The following NPSR1 variants were observed in gnomAD, a reference collection of about 807,000 sequenced individuals.
NPSR1 encodes neuropeptide S receptor 1, also known as neuropeptide S receptor.
In NPSR1, 48 loss-of-function variants were observed where a neutral mutation model predicts 46.9. The observed-to-expected ratio is 1.02, with a 90% CI of 0.81 to 1.30. The LOEUF (loss-of-function observed/expected upper bound fraction) is 1.30, where lower values mean the gene tolerates loss of function less well. Among genes scored for constraint, NPSR1 ranks in the 50% most tolerant of loss-of-function variants. The probability of loss-of-function intolerance (pLI) is 0.00; values close to 1 mark genes in which losing one functional copy is unlikely to be tolerated. For missense variants in NPSR1, 450 were observed against 449.5 expected, an observed-to-expected ratio of 1.00 and a Z score of -0.01; for synonymous variants, 176 against 168.1, an observed-to-expected ratio of 1.05 and a Z score of -0.36.
chr7:34,708,429 C>A (rs1794216320), intron 2 of NPSR1, among the ~76,000 whole-genome samples: 1 of 152,068 alleles, frequency 6.6e-6, no homozygotes, highest in South Asian at 2.1e-4. Flanking sequence ...TCAGACTTCC[C>A]CAAAACACAT....
intron 2 of NPSR1, among the ~76,000 whole-genome samples, chr7:34,755,089 C>T (rs953412084): frequency 6.6e-6 from 1 of 152,218 alleles, no homozygotes; most frequent in Non-Finnish European, 1.5e-5. Context: ...CTGCTATAAA[C>T]ATTCATGTAC....
chr7:34,864,814 C>T (rs919832815), intron 8 of NPSR1, among the ~76,000 whole-genome samples: 1 of 151,898 alleles, frequency 6.6e-6, no homozygotes, highest in Admixed American at 6.5e-5. Flanking sequence ...GCAAGAAAGC[C>T]TGCTAACAAT....
In NPSR1 at chr7:34,848,586, G is replaced by C. The variant is rs1206648220; in HGVS notation, c.948G>C (p.Gln316His). Residue 316 changes from glutamine to histidine, a missense_variant, in exon 8 of 9, where the codon CAG becomes CAC. By Grantham distance (24) the Gln-to-His change is conservative. Transcript: ENST00000360581. ...GTTTCTATGCCTCTGTGATCATTCAGAACCTGCCAGCATTGAATAGTGCCA... is the reference window on the plus strand; with the variant it reads ...GTTTCTATGCCTCTGTGATCATTCACAACCTGCCAGCATTGAATAGTGCCA... The part of the protein sequence containing the change: ...QERFYASVII[Q>H]NLPALNSAIN... 1 of 1,614,138 alleles carries C rather than the reference G, an allele frequency of 6.2e-7. No homozygotes were observed. The highest frequency in any genetic ancestry group is 1.1e-5 in the South Asian group (1 of 91,078).
intron 2 of NPSR1, among the ~76,000 whole-genome samples, chr7:34,755,771 A>G (rs982830946): frequency 2.6e-5 from 4 of 151,966 alleles, no homozygotes; most frequent in African/African-American, 4.8e-5. Context: ...CTCCTTCCCT[A>G]CTGACAAGCA....
chr7:34,713,138 C>T (rs1783386136), intron 2 of NPSR1, among the ~76,000 whole-genome samples: 1 of 152,190 alleles, frequency 6.6e-6, no homozygotes, highest in South Asian at 2.1e-4. Flanking sequence ...GGCTACTGTT[C>T]TGATCAGGAG....
chr7:34,684,709 C>T, intron 2 of NPSR1, 25 bp downstream of exon 2: 3 of 1,578,234 alleles, frequency 1.9e-6, no homozygotes, highest in South Asian at 1.2e-5. Context: ...AAGTGAGAGG[C>T]AGGAAGCTAT....
intron 2 of NPSR1, among the ~76,000 whole-genome samples, chr7:34,691,721 G>A (rs1205169460): frequency 6.6e-6 from 1 of 151,946 alleles, no homozygotes; most frequent in East Asian, 1.9e-4. Context: ...CAAAAATTAC[G>A]ACTACATATA....
chr7:34,833,020 T>C (rs1790191077), intron 5 of NPSR1, among the ~76,000 whole-genome samples: 1 of 152,186 alleles, frequency 6.6e-6, no homozygotes, highest in South Asian at 2.1e-4. Flanking sequence ...AAAAAGTCCC[T>C]GAGCTTTCCT....
At chr7:34,671,893 G>T (rs1284118395) in intron 1 of NPSR1, among the ~76,000 whole-genome samples, 1 of 135,348 alleles carries the variant, frequency 7.4e-6, no homozygotes, top group East Asian at 2.0e-4. Flanking sequence ...AAGCCAAAGT[G>T]GGCCCTCCAG....
chr7:34,762,723 T>A (rs1230432306), intron 2 of NPSR1, among the ~76,000 whole-genome samples: 1 of 152,222 alleles, frequency 6.6e-6, no homozygotes, highest in East Asian at 1.9e-4. Context: ...TTACCCACAG[T>A]GTCCCTTCAG....
Position 34,750,540 on chromosome 7 carries a change from T to TAATCTCAAGCTCCTC in NPSR1, c.281-27917_281-27903dup, listed in dbSNP as rs1785466804. 7.2e-6 allele frequency: 5 copies of TAATCTCAAGCTCCTC among 698,232 alleles called. No homozygotes were observed. The South Asian group carries it at 7.4e-5, about 10-fold the overall frequency. The allele number at this position is 698,232 out of a possible 1,614,324, so 43.3% of individuals were successfully genotyped here. On this transcript the variant is annotated intron_variant, in intron 2 of 8. Coordinates refer to ENST00000360581, the MANE Select transcript of NPSR1 (RefSeq NM_207172.2). ...GGGGCTCTCTGGCTACCTGCTTGGTTAATCTCAAGCTCCTCAATCCCATCC... is the reference window on the plus strand; with the variant it reads ...GGGGCTCTCTGGCTACCTGCTTGGTTAATCTCAAGCTCCTCAATCTCAAGCTCCTCAATCCCATCC...
intron 2 of NPSR1, among the ~76,000 whole-genome samples, chr7:34,743,651 G>T (rs1406333645): frequency 6.6e-6 from 1 of 152,036 alleles, no homozygotes; most frequent in African/African-American, 2.4e-5. Flanking sequence ...TCTTGGCCAG[G>T]CTGGTCTTGA....
chr7:34,824,096 A>G (rs948890894), intron 4 of NPSR1, among the ~76,000 whole-genome samples: 4 of 152,256 alleles, frequency 2.6e-5, no homozygotes, highest in African/African-American at 9.6e-5. Flanking sequence ...TAGGATCTGT[A>G]TCATGATCTC....
intron 8 of NPSR1, among the ~76,000 whole-genome samples, chr7:34,862,296 A>G (rs1791208372): frequency 6.6e-6 from 1 of 151,766 alleles, no homozygotes; most frequent in East Asian, 1.9e-4. Context: ...CTCAGTTACT[A>G]GCAGCATCCA....
intron 2 of NPSR1, among the ~76,000 whole-genome samples, chr7:34,732,664 A>G (rs1784479349): frequency 6.6e-6 from 1 of 152,104 alleles, no homozygotes; most frequent in African/African-American, 2.4e-5. Flanking sequence ...GCTCTATGAC[A>G]TTTCATTAAT....
intron 7 of NPSR1, 84 bp from the exon 8 acceptor site, chr7:34,848,399 C>A: frequency 8.7e-7 from 1 of 1,154,482 alleles, no homozygotes; most frequent in Non-Finnish European, 1.2e-6. Flanking sequence ...AAGAACCTCT[C>A]AGGTAAAAGT....
chr7:34,827,362 T>G, intron 4 of NPSR1, 39 bp from the exon 5 acceptor site: 3 of 1,591,620 alleles, frequency 1.9e-6, no homozygotes, highest in Non-Finnish European at 2.6e-6. Context: ...CAAAAATGGT[T>G]GCCACATACC....
chr7:34,677,850 T>C (rs1792397576), intron 1 of NPSR1, among the ~76,000 whole-genome samples: 1 of 152,208 alleles, frequency 6.6e-6, no homozygotes, highest in African/African-American at 2.4e-5. Flanking sequence ...GGCCAGTGCC[T>C]TCTCCCAGCT....
At chr7:34,683,389 G>GTGAGCTAAGGTCATGCCAC (rs1267066393) in intron 1 of NPSR1, among the ~76,000 whole-genome samples, 3 of 150,776 alleles carry the variant, frequency 2.0e-5, no homozygotes, top group Non-Finnish European at 4.4e-5. Context: ...AGAGCTTGCA[G>GTGAGCTAAGGTCATGCCAC]TGAGCTAAGG....
Sources: allele counts gnomAD v4.1 joint callset (sites outside exome capture counted in the v4.1 genomes callset), GRCh38; gene constraint gnomAD v4.1.1; transcripts MANE v1.5; gene names NCBI Gene and HGNC (gene_info 2026-07-23, HGNC 2026-07-21).